Variants in BCAS3 observed in about 807,000 individuals in gnomAD.
BCAS3 encodes BCAS3 microtubule associated cell migration factor, also known as BCAS4/BCAS3 fusion.
Under a neutral mutation model 116.1 loss-of-function variants are expected in BCAS3, and 53 were observed. The observed-to-expected ratio is 0.46, with a 90% CI of 0.37 to 0.57. The LOEUF is 0.57. Ranked by LOEUF, BCAS3 falls within the 20% of genes least tolerant of loss-of-function variation. BCAS3 has a pLI of 0.00. For synonymous variants in BCAS3, 391 were observed against 408.2 expected, an observed-to-expected ratio of 0.96 and a Z score of 0.51; for missense variants, 917 against 1,165.4, an observed-to-expected ratio of 0.79 and a Z score of 3.10.
Position 61,315,986 on chromosome 17 carries a change from C to T in BCAS3, c.2426-52341C>T, listed in dbSNP as rs771593321. Among the ~76,000 whole-genome samples the T allele has an allele frequency of 1.1e-4, 16 of 152,146 alleles. No homozygotes were observed. Among genetic ancestry groups the T allele is most frequent in the South Asian group, 2.1e-4 (1 of 4,828 alleles). ...GATTTTCCCTTTTCATGTGTGTTTT[C>T]CAGTGTCTAGGATAGTGACCATCTA... On this transcript the variant is annotated intron_variant, in intron 22 of 23. Transcript: ENST00000407086. This position sits in a 1 kb window ranked among gnomAD's most constrained non-coding sequence, Gnocchi z 5.3.
At position 61,098,056 on chromosome 17, in the gene BCAS3, A is replaced by T. The variant is rs1002864811; in HGVS notation, c.2425+13492A>T. ...AGGCCTGACTGGTCATTGGCTTTCCATTCCTGGCATTGATATGACTGAAAA... is the reference window on the plus strand; with the variant it reads ...AGGCCTGACTGGTCATTGGCTTTCCTTTCCTGGCATTGATATGACTGAAAA... On this transcript the variant is annotated intron_variant, in intron 22 of 23. Transcript: ENST00000407086. The surrounding 1 kb of genome is among the most constrained non-coding windows in gnomAD (Gnocchi z 4.2). Among the ~76,000 whole-genome samples, 1 of 152,184 alleles carries T rather than the reference A, an allele frequency of 6.6e-6. No individual in the cohort carries two copies.
rs569688210 is a variant in BCAS3 at position 61,209,268 on chromosome 17, G to A, written c.2425+124704G>A. ...GTGGAGTAGGAATGACTCTAGAGCC[G>A]TTTCAATTTAAAAAGATTTGTAGGC... is the stretch of plus-strand genomic sequence containing the variant. On this transcript the variant is annotated intron_variant, in intron 22 of 23. Transcript: ENST00000407086. Among the ~76,000 whole-genome samples, 39 of 152,024 alleles carry A rather than the reference G, an allele frequency of 2.6e-4. No homozygotes were observed. The South Asian group carries it at 5.2e-3, about 20-fold the overall frequency.
At chr17:61,061,135 A>G (rs2069983633) in intron 19 of BCAS3, among the ~76,000 whole-genome samples, 1 of 152,130 alleles carries the variant, frequency 6.6e-6, no homozygotes, top group Non-Finnish European at 1.5e-5. Flanking sequence ...ATTTTAGATT[A>G]TTTTCCTAAC....
At chr17:61,202,461 A>G (rs2080895590) in intron 22 of BCAS3, among the ~76,000 whole-genome samples, 1 of 151,722 alleles carries the variant, frequency 6.6e-6, no homozygotes, top group African/African-American at 2.4e-5. Flanking sequence ...CTCAACAAAG[A>G]GTTTACTTTC....
chr17:60,976,746 G>C (rs1031197951), intron 14 of BCAS3, among the ~76,000 whole-genome samples: 5 of 152,130 alleles, frequency 3.3e-5, no homozygotes, highest in Non-Finnish European at 5.9e-5. Context: ...CAGAGAGCAC[G>C]GGGTTGGGGG....
chr17:61,375,773 A>G (rs1364202651), intron 23 of BCAS3, among the ~76,000 whole-genome samples: 2 of 152,054 alleles, frequency 1.3e-5, no homozygotes, highest in Admixed American at 6.6e-5. Context: ...GGGTTTCACC[A>G]TGTTGGCCAG....
intron 6 of BCAS3, among the ~76,000 whole-genome samples, chr17:60,802,320 A>G (rs975000746): frequency 6.9e-6 from 1 of 145,884 alleles, no homozygotes; most frequent in African/African-American, 2.5e-5. Context: ...ATATATATGC[A>G]CACACATATA....
intron 6 of BCAS3, among the ~76,000 whole-genome samples, chr17:60,802,755 C>T (rs1334714902): frequency 6.6e-6 from 1 of 152,106 alleles, no homozygotes; most frequent in Non-Finnish European, 1.5e-5. Flanking sequence ...GATTCTCCTG[C>T]CTCAGCCTCC....
rs922152507 is a variant in BCAS3 at position 61,309,752 on chromosome 17, C to A, written c.2426-58575C>A. Among the ~76,000 whole-genome samples the A allele has an allele frequency of 1.3e-5, 2 of 152,022 alleles. No homozygotes were observed. Among genetic ancestry groups the A allele is most frequent in the Non-Finnish European group, 2.9e-5 (2 of 68,006 alleles). ...AACAGCTGCTGTGGAAAAGTAGTGG[C>A]CTGTTTATGGGTTGAGGAGGCAGTA... is the stretch of plus-strand genomic sequence containing the variant. On this transcript the variant is annotated intron_variant, in intron 22 of 23. Coordinates refer to ENST00000407086, the MANE Select transcript of BCAS3 (RefSeq NM_017679.5). This position sits in a 1 kb window ranked among gnomAD's most constrained non-coding sequence, Gnocchi z 4.6.
intron 14 of BCAS3, among the ~76,000 whole-genome samples, chr17:60,972,418 G>C (rs992803330): frequency 6.7e-6 from 1 of 150,202 alleles, no homozygotes; most frequent in South Asian, 2.1e-4. Context: ...GGACAGCTAG[G>C]ATGTTGGGCT....
intron 22 of BCAS3, among the ~76,000 whole-genome samples, chr17:61,353,021 A>T (rs1270527969): frequency 6.6e-6 from 1 of 152,162 alleles, no homozygotes; most frequent in Non-Finnish European, 1.5e-5. Context: ...AGGCAATTTG[A>T]GGATTGACCT....
chr17:60,920,968 G>C (rs1599694733), intron 12 of BCAS3, among the ~76,000 whole-genome samples: 1 of 152,268 alleles, frequency 6.6e-6, no homozygotes, highest in African/African-American at 2.4e-5. Flanking sequence ...ATACACTGCT[G>C]GTGGGCATCT....
intron 7 of BCAS3, chr17:60,851,556 G>A (rs957004354): frequency 1.1e-5 from 7 of 617,676 alleles, no homozygotes; most frequent in Middle Eastern, 3.4e-4. Context: ...TTCACGGGGT[G>A]AATAATTTCT....
At chr17:60,726,174 C>A (rs1481019166) in intron 5 of BCAS3, among the ~76,000 whole-genome samples, 1 of 148,702 alleles carries the variant, frequency 6.7e-6, no homozygotes, top group African/African-American at 2.5e-5. Flanking sequence ...GGATTACAGG[C>A]GTGAGCCACT....
Position 61,028,268 on chromosome 17 carries a change from T to C in BCAS3, c.1638-6398T>C, listed in dbSNP as rs898490585. On this transcript the variant is annotated intron_variant, in intron 16 of 23. Coordinates refer to ENST00000407086, the MANE Select transcript of BCAS3 (RefSeq NM_017679.5). This position sits in a 1 kb window ranked among gnomAD's most constrained non-coding sequence, Gnocchi z 4.3. ...TGACATAAAACAAATCAACATAAAA[T>C]TTTCCTCCTTGAAAATTATAATTAG... 6.6e-6 allele frequency among the ~76,000 whole-genome samples: 1 copy of C among 151,824 alleles called. No individual in the cohort carries two copies. The highest frequency in any genetic ancestry group is 1.5e-5 in the Non-Finnish European group (1 of 67,788).
chr17:61,141,920 AGTTAG>A lies in BCAS3; in HGVS notation c.2425+57357_2425+57361del, dbSNP rs759975243. Among the ~76,000 whole-genome samples the A allele has an allele frequency of 1.2e-4, 2 of 16,268 alleles. No individual in the cohort carries two copies. Among genetic ancestry groups the A allele is most frequent in the African/African-American group, 9.2e-5 (1 of 10,866 alleles). The allele number at this position is 16,268 out of a possible 152,430, so 10.7% of individuals were successfully genotyped here. A position where few individuals can be genotyped will look rare whatever the true frequency, so the allele number is the denominator to read the frequency against. ...ACCTCAAGAAAAAAAAAAAAAAAAA[AGTTAG>A]ACAATTATACAGAGATACTCAAGTT... On this transcript the variant is annotated intron_variant, in intron 22 of 23. Coordinates refer to ENST00000407086, the MANE Select transcript of BCAS3 (RefSeq NM_017679.5). The surrounding 1 kb of genome is among the most constrained non-coding windows in gnomAD (Gnocchi z 4.3).
At chr17:61,176,476 C>T (rs938227870) in intron 22 of BCAS3, among the ~76,000 whole-genome samples, 26 of 151,004 alleles carry the variant, frequency 1.7e-4, no homozygotes, top group Non-Finnish European at 3.5e-4. Flanking sequence ...CCCTGTCCCC[C>T]CATTGTCAGT....
intron 7 of BCAS3, among the ~76,000 whole-genome samples, chr17:60,839,233 T>G (rs1017543758): frequency 4.5e-4 from 68 of 152,338 alleles, no homozygotes; most frequent in African/African-American, 1.6e-3. Flanking sequence ...AAAAGAAAAC[T>G]CAGCTAATTA....
At chr17:61,138,446 C>T (rs1325889876) in intron 22 of BCAS3, among the ~76,000 whole-genome samples, 1 of 152,162 alleles carries the variant, frequency 6.6e-6, no homozygotes, top group African/African-American at 2.4e-5. Context: ...ACTGTTGTAC[C>T]TTGGCTATGT....
Sources: allele counts gnomAD v4.1 joint callset (sites outside exome capture counted in the v4.1 genomes callset), GRCh38; gene constraint gnomAD v4.1.1; non-coding constraint Gnocchi (gnomAD v3.1); transcripts MANE v1.5; gene names NCBI Gene and HGNC (gene_info 2026-07-23, HGNC 2026-07-21).